CDC42BPA: variants seen among roughly 807,000 people sequenced by gnomAD.
CDC42BPA encodes serine/threonine-protein kinase MRCK alpha.
A neutral mutation model predicts 223.5 loss-of-function variants in CDC42BPA; 80 were observed. The ratio of observed to expected loss-of-function variants is 0.36; its 90% CI spans 0.30 to 0.43. The LOEUF is 0.43. Among genes scored for constraint, CDC42BPA ranks in the 20% least tolerant of loss-of-function variants. The probability of loss-of-function intolerance (pLI) is 1.00; values close to 1 mark genes in which losing one functional copy is unlikely to be tolerated. For synonymous variants in CDC42BPA, 694 were observed against 718.6 expected, an observed-to-expected ratio of 0.97 and a Z score of 0.55; for missense variants, 1,743 against 2,099.9, an observed-to-expected ratio of 0.83 and a Z score of 3.32.
At chr1:227,134,794 T>C (rs1469557717) in intron 10 of CDC42BPA, among the ~76,000 whole-genome samples, 1 of 152,028 alleles carries the variant, frequency 6.6e-6, no homozygotes, top group Non-Finnish European at 1.5e-5. Context: ...ATACTACACA[T>C]GTAAAAATAC....
rs57582193 is a variant in CDC42BPA at position 227,028,604 on chromosome 1, G to A, written c.4432+53C>T. The A allele has an allele frequency of 8.8e-4, 1,085 of 1,233,784 alleles. 12 individuals carry two copies. The African/African-American group carries it at 0.015, about 17-fold the overall frequency. The allele number at this position is 1,233,784 out of a possible 1,614,324, so 76.4% of individuals were successfully genotyped here. On this transcript the variant is annotated intron_variant, in intron 30 of 36. Coordinates refer to ENST00000366766, the MANE Select transcript of CDC42BPA (RefSeq NM_001394014.1). Reference sequence around the variant, plus strand: ...AACATTTGGGAGACGAAGTAGAAGGGAAAAGGAAGAAGAGATATAAAGATA... The same window carrying A: ...AACATTTGGGAGACGAAGTAGAAGGAAAAAGGAAGAAGAGATATAAAGATA...
chr1:227,071,044 T>C (rs1678215841), intron 20 of CDC42BPA, among the ~76,000 whole-genome samples: 1 of 151,994 alleles, frequency 6.6e-6, no homozygotes, highest in Non-Finnish European at 1.5e-5. Flanking sequence ...AGCTTGATTT[T>C]CATTTTGGCA....
intron 1 of CDC42BPA, among the ~76,000 whole-genome samples, chr1:227,293,550 T>C (rs918235541): frequency 7.0e-6 from 1 of 142,608 alleles, no homozygotes. Flanking sequence ...TATTGCTGGG[T>C]GCAGTGGCTC....
intron 1 of CDC42BPA, among the ~76,000 whole-genome samples, chr1:227,305,398 A>C (rs1048437282): frequency 2.0e-5 from 3 of 152,216 alleles, no homozygotes; most frequent in Non-Finnish European, 4.4e-5. Context: ...GGATAAAAGT[A>C]ACTCACATTT....
At chr1:227,281,711 C>G (rs1423869772) in intron 1 of CDC42BPA, among the ~76,000 whole-genome samples, 6 of 152,128 alleles carry the variant, frequency 3.9e-5, no homozygotes, top group African/African-American at 1.4e-4. Context: ...AGTGCTCCAA[C>G]TCAGACAATT....
intron 2 of CDC42BPA, chr1:227,234,363 A>C (rs1177245749): frequency 6.6e-6 from 1 of 152,216 alleles, no homozygotes. Context: ...CTGCCCAAAA[A>C]ATGCTGATCC....
At chr1:227,154,881 C>G (rs1996133) in intron 6 of CDC42BPA, among the ~76,000 whole-genome samples, 1 of 151,830 alleles carries the variant, frequency 6.6e-6, no homozygotes, top group Non-Finnish European at 1.5e-5. Context: ...TGGATATAAA[C>G]CAATATGCTA....
chr1:227,257,506 G>GTA (rs1398961578), intron 1 of CDC42BPA, among the ~76,000 whole-genome samples: 1 of 150,564 alleles, frequency 6.6e-6, no homozygotes, highest in Middle Eastern at 3.2e-3. Context: ...TCCCAGCACT[G>GTA]TAGGAAGCCA....
In CDC42BPA at chr1:226,990,336, G is replaced by GC. The variant is rs1237426842; in HGVS notation, c.*3931dup. 2.0e-5 allele frequency: 3 copies of GC among 152,266 alleles called. No homozygotes were observed. The highest frequency in any genetic ancestry group is 7.2e-5 in the African/African-American group (3 of 41,464). 9.4% of individuals were successfully genotyped at this position (152,266 alleles called of 1,614,324 possible). ...CTGTGTGGGGAGGGCCCAGCGTGCTGCCAGTGCTGGGGGGCAGGGCTTACA... is the reference window on the plus strand; with the variant it reads ...CTGTGTGGGGAGGGCCCAGCGTGCTGCCCAGTGCTGGGGGGCAGGGCTTACA... On this transcript the variant is annotated 3_prime_UTR_variant, in exon 37 of 37. Transcript: ENST00000366766.
intron 2 of CDC42BPA, among the ~76,000 whole-genome samples, chr1:227,220,311 TACACACACACAC>T (rs58845901): frequency 4.0e-5 from 2 of 49,534 alleles, no homozygotes; most frequent in Non-Finnish European, 8.6e-5. Flanking sequence ...TATATATATA[TACACACACACAC>T]ACACATACAT....
In CDC42BPA at chr1:227,007,500, ATG is replaced by A. The variant is rs148154608; in HGVS notation, c.4858-2391_4858-2390del. On this transcript the variant is annotated intron_variant, in intron 34 of 36. Coordinates refer to ENST00000366766, the MANE Select transcript of CDC42BPA (RefSeq NM_001394014.1). ...TTCACCAGATACTAATAACAATTTG[ATG>A]TGTTTCCTATCTTTTCTTCCAACAT... 3.7e-3 allele frequency among the ~76,000 whole-genome samples: 564 copies of A among 152,342 alleles called. 3 individuals are homozygous for A. The highest frequency in any genetic ancestry group is 0.013 in the African/African-American group (545 of 41,572).
At chr1:226,996,764 T>C (rs971117385) in intron 35 of CDC42BPA, among the ~76,000 whole-genome samples, 1 of 152,256 alleles carries the variant, frequency 6.6e-6, no homozygotes, top group Non-Finnish European at 1.5e-5. Flanking sequence ...ATTACGTTTA[T>C]TGACTTGCGT....
intron 1 of CDC42BPA, among the ~76,000 whole-genome samples, chr1:227,310,743 G>C (rs1028281389): frequency 6.8e-6 from 1 of 147,428 alleles, no homozygotes; most frequent in Non-Finnish European, 1.5e-5. Context: ...CTGGAGTGCA[G>C]TGGCGCGATC....
chr1:227,247,367 C>T (rs746408838), intron 2 of CDC42BPA, among the ~76,000 whole-genome samples: 8 of 150,828 alleles, frequency 5.3e-5, no homozygotes, highest in Non-Finnish European at 7.4e-5. Context: ...TGATGGTGCA[C>T]GCCTGTAATC....
At chr1:227,095,344 A>C (rs947060245) in intron 15 of CDC42BPA, among the ~76,000 whole-genome samples, 2 of 152,174 alleles carry the variant, frequency 1.3e-5, no homozygotes, top group Non-Finnish European at 2.9e-5. Flanking sequence ...ATGAACCACA[A>C]AATGATTCCT....
At chr1:227,000,955 G>A (rs1043314128) in intron 35 of CDC42BPA, among the ~76,000 whole-genome samples, 2 of 152,134 alleles carry the variant, frequency 1.3e-5, no homozygotes, top group South Asian at 2.1e-4. Flanking sequence ...TGGGGACTGG[G>A]CCCTAAATCT....
chr1:227,032,585 T>A (rs1281572997), intron 27 of CDC42BPA, among the ~76,000 whole-genome samples: 6 of 152,156 alleles, frequency 3.9e-5, no homozygotes, highest in Admixed American at 3.9e-4. Flanking sequence ...TCCCCTTAAA[T>A]CTGGGCTGAC....
intron 21 of CDC42BPA, among the ~76,000 whole-genome samples, chr1:227,056,486 G>A (rs1223708486): frequency 3.3e-5 from 5 of 151,656 alleles, no homozygotes; most frequent in Non-Finnish European, 4.4e-5. Flanking sequence ...TTCTTGAGCC[G>A]AACTGATCCT....
chr1:227,281,192 T>TTTC (rs2148570477), intron 1 of CDC42BPA, among the ~76,000 whole-genome samples: 2 of 152,274 alleles, frequency 1.3e-5, no homozygotes, highest in East Asian at 3.9e-4. Flanking sequence ...ATTGCTGTGG[T>TTTC]TTAAAGAAAG....
Sources: allele counts gnomAD v4.1 joint callset (sites outside exome capture counted in the v4.1 genomes callset), GRCh38; gene constraint gnomAD v4.1.1; transcripts MANE v1.5; gene names NCBI Gene and HGNC (gene_info 2026-07-23, HGNC 2026-07-21).